The following EYS variants were observed in gnomAD, a reference collection of about 807,000 sequenced individuals.
EYS encodes protein eyes shut homolog.
EYS carries 250 observed loss-of-function variants against 282.1 expected under a neutral mutation model. The ratio of observed to expected loss-of-function variants is 0.89; its 90% CI spans 0.80 to 0.98. The LOEUF (loss-of-function observed/expected upper bound fraction) is 0.98. Ranked by LOEUF, EYS falls within the 50% of genes least tolerant of loss-of-function variation. EYS has a pLI of 0.00. For synonymous variants in EYS, 1,355 were observed against 1,282.9 expected, an observed-to-expected ratio of 1.06 and a Z score of -1.20; for missense variants, 4,016 against 3,709.0, an observed-to-expected ratio of 1.08 and a Z score of -2.15.
rs201743269 is a variant in EYS, at chr6:65,306,832, C to CAAAAAAAAAAA, written c.1767-10724_1767-10714dup. On this transcript the variant is annotated intron_variant, in intron 11 of 42. Coordinates refer to ENST00000503581, the MANE Select transcript of EYS (RefSeq NM_001142800.2). Reference sequence around the variant, plus strand: ...TGGGCAGCAGAGCAAGAGTCCGTCTCAAAAAAAAAAAAAAAAAAAAAAAAA... The same window carrying CAAAAAAAAAAA: ...TGGGCAGCAGAGCAAGAGTCCGTCTCAAAAAAAAAAAAAAAAAAAAAAAAAAAAAAAAAAAA... Among the ~76,000 whole-genome samples, 235 of 51,744 alleles carry CAAAAAAAAAAA rather than the reference C, an allele frequency of 4.5e-3. 3 individuals carry two copies. Among genetic ancestry groups the CAAAAAAAAAAA allele is most frequent in the Non-Finnish European group, 6.1e-3 (182 of 29,968 alleles). 33.9% of individuals were successfully genotyped at this position (51,744 alleles called of 152,430 possible).
intron 12 of EYS, among the ~76,000 whole-genome samples, chr6:65,103,184 A>G (rs572717918): frequency 8.6e-5 from 13 of 151,596 alleles, no homozygotes; most frequent in Admixed American, 2.6e-4. Flanking sequence ...GATAATTCAG[A>G]TACACATTAA....
At chr6:64,100,493 GTTTA>G in intron 31 of EYS, among the ~76,000 whole-genome samples, 1 of 151,620 alleles carries the variant, frequency 6.6e-6, no homozygotes, top group Admixed American at 6.6e-5. Context: ...TAATGCTGCT[GTTTA>G]TTTTTTTTTT....
intron 11 of EYS, among the ~76,000 whole-genome samples, chr6:65,317,883 TTTCA>T (rs1769354264): frequency 1.2e-4 from 10 of 80,768 alleles, no homozygotes; most frequent in South Asian, 3.3e-4. Context: ...TCTTTCTTTC[TTTCA>T]GACAGAGTCT....
chr6:64,872,982 T>C (rs1296497082), intron 19 of EYS, among the ~76,000 whole-genome samples: 1 of 151,960 alleles, frequency 6.6e-6, no homozygotes, highest in Non-Finnish European at 1.5e-5. Flanking sequence ...GACTAAGAGA[T>C]GAAATGCTAA....
intron 1 of EYS, among the ~76,000 whole-genome samples, chr6:65,654,061 A>G (rs1296443829): frequency 6.6e-6 from 1 of 151,918 alleles, no homozygotes; most frequent in African/African-American, 2.4e-5. Context: ...TATTAGAAGT[A>G]TTTATACTTA....
At chr6:64,362,215 T>G (rs961275215) in intron 29 of EYS, among the ~76,000 whole-genome samples, 2 of 151,738 alleles carry the variant, frequency 1.3e-5, no homozygotes, top group African/African-American at 4.8e-5. Context: ...CAGTAAGACA[T>G]AGAAAAATAA....
At chr6:64,154,464 A>T (rs112139395) in intron 31 of EYS, among the ~76,000 whole-genome samples, 3,151 of 148,806 alleles carry the variant, frequency 0.021, 115 homozygotes, top group African/African-American at 0.073. Context: ...AAAAAAAAAA[A>T]TGCCTCACAG....
At chr6:65,331,179 AAATAACT>A in intron 11 of EYS, 1 of 850,558 alleles carries the variant, frequency 1.2e-6, no homozygotes, top group Non-Finnish European at 1.4e-6. Context: ...TTAGTTTCTA[AAATAACT>A]TGCAATATTT....
At chr6:64,065,859 A>C (rs1369764898) in intron 33 of EYS, among the ~76,000 whole-genome samples, 1 of 152,248 alleles carries the variant, frequency 6.6e-6, no homozygotes, top group East Asian at 1.9e-4. Context: ...AAATTATAAA[A>C]ATAAGTAAAA....
chr6:64,521,841 G>A (rs2150525993), intron 26 of EYS, among the ~76,000 whole-genome samples: 1 of 151,918 alleles, frequency 6.6e-6, no homozygotes, highest in Non-Finnish European at 1.5e-5. Flanking sequence ...TATCCATGCA[G>A]CATATAATGA....
chr6:65,431,186 C>A (rs577141036), intron 5 of EYS, among the ~76,000 whole-genome samples: 184 of 152,304 alleles, frequency 1.2e-3, no homozygotes, highest in African/African-American at 4.2e-3. Context: ...GTTGTGAACT[C>A]TTTCACCATT....
chr6:65,215,160 T>C (rs1582025829), intron 12 of EYS, among the ~76,000 whole-genome samples: 1 of 152,150 alleles, frequency 6.6e-6, no homozygotes, highest in Admixed American at 6.6e-5. Flanking sequence ...TATAAGGCTA[T>C]AGATACCATA....
At chr6:65,228,025 T>G (rs2150265263) in intron 12 of EYS, among the ~76,000 whole-genome samples, 1 of 152,160 alleles carries the variant, frequency 6.6e-6, no homozygotes, top group South Asian at 2.1e-4. Context: ...TGAATATATT[T>G]AATACTACTG....
At position 64,559,271 on chromosome 6, in the gene EYS, A is replaced by ATGTGTGTGTGTG. The variant is rs4034160; in HGVS notation, c.5644+30940_5644+30951dup. ...CTTCTTTGTATGTGTGTGTGTGTGC[A>ATGTGTGTGTGTG]TGTGTGTGTGTGTGTGTGTGTGTGT... is the stretch of plus-strand genomic sequence containing the variant. On this transcript the variant is annotated intron_variant, in intron 26 of 42. Transcript: ENST00000503581. Among the ~76,000 whole-genome samples the ATGTGTGTGTGTG allele has an allele frequency of 1.2e-3, 174 of 142,308 alleles. 1 individual carries two copies. Among genetic ancestry groups the ATGTGTGTGTGTG allele is most frequent in the East Asian group, 0.012 (56 of 4,770 alleles). 93.4% of individuals were successfully genotyped at this position (142,308 alleles called of 152,430 possible). A position where few individuals can be genotyped will look rare whatever the true frequency, so the allele number is the denominator to read the frequency against.
intron 22 of EYS, among the ~76,000 whole-genome samples, chr6:64,698,139 T>C (rs1369896805): frequency 2.0e-5 from 3 of 151,884 alleles, no homozygotes; most frequent in Admixed American, 6.6e-5. Context: ...TTGAAACAAT[T>C]GAAAATGGAA....
intron 12 of EYS, among the ~76,000 whole-genome samples, chr6:65,178,310 T>A (rs1235082171): frequency 6.6e-6 from 1 of 151,980 alleles, no homozygotes; most frequent in Non-Finnish European, 1.5e-5. Flanking sequence ...TAAATCTGTC[T>A]TTCTAAACTT....
chr6:64,817,324 A>G (rs550566383), intron 21 of EYS, among the ~76,000 whole-genome samples: 1 of 152,026 alleles, frequency 6.6e-6, no homozygotes, highest in African/African-American at 2.4e-5. Context: ...ATACTTGAAA[A>G]TAATTTTCTG....
At chr6:64,496,431 A>C (rs1043573854) in intron 26 of EYS, among the ~76,000 whole-genome samples, 3 of 152,120 alleles carry the variant, frequency 2.0e-5, no homozygotes, top group Admixed American at 1.3e-4. Context: ...TTTTTAAGGC[A>C]CAAGGGCTCT....
intron 28 of EYS, among the ~76,000 whole-genome samples, chr6:64,396,492 C>G (rs995537847): frequency 1.3e-5 from 2 of 151,812 alleles, no homozygotes; most frequent in African/African-American, 4.8e-5. Context: ...CAATCTTTTC[C>G]TTAATAATTA....
Sources: gnomAD v4.1 joint callset for allele counts (sites outside exome capture counted in the v4.1 genomes callset) on GRCh38, gnomAD v4.1.1 for gene constraint, MANE v1.5 for transcripts, NCBI Gene and HGNC (gene_info 2026-07-23, HGNC 2026-07-21) for gene names.